Variants in SMARCC2 observed in about 807,000 individuals in gnomAD.
SMARCC2 encodes SWI/SNF complex subunit SMARCC2.
Under a neutral mutation model 151.3 loss-of-function variants are expected in SMARCC2, and 15 were observed. The observed-to-expected ratio is 0.10, with a 90% CI of 0.07 to 0.15. The LOEUF is 0.15. Ranked by LOEUF, SMARCC2 falls within the 10% of genes least tolerant of loss-of-function variation. The probability of loss-of-function intolerance (pLI) is 1.00; values close to 1 mark genes in which losing one functional copy is unlikely to be tolerated. For synonymous variants in SMARCC2, 590 were observed against 609.5 expected, an observed-to-expected ratio of 0.97 and a Z score of 0.47; for missense variants, 1,031 against 1,599.7, an observed-to-expected ratio of 0.64 and a Z score of 6.06.
At position 56,171,240 on chromosome 12, in the gene SMARCC2, G is replaced by C; in HGVS notation, c.2347+31C>G. The C allele has an allele frequency of 6.2e-7, 1 of 1,610,516 alleles. No homozygotes were observed. The highest frequency in any genetic ancestry group is 8.5e-7 in the Non-Finnish European group (1 of 1,177,058). ...CAGGTAGCTCTGGATCTTGTGAAAG[G>C]CAAGAAATCTGGGAACCTGCCTGGC... On this transcript the variant is annotated intron_variant, in intron 22 of 28. Coordinates refer to ENST00000550164, the MANE Select transcript of SMARCC2 (RefSeq NM_001330288.2). The surrounding 1 kb of genome is among the most constrained non-coding windows in gnomAD (Gnocchi z 4.2).
Position 56,164,695 on chromosome 12 carries a change from G to A in SMARCC2, c.3269C>T (p.Ser1090Leu), listed in dbSNP as rs1286924558. Residue 1090 changes from serine to leucine, a missense_variant, in exon 28 of 29, where the codon TCA becomes TTA. By Grantham distance (145) the Ser-to-Leu change is moderately radical (BLOSUM62 -2). Transcript: ENST00000550164. ...GCCTGGCACTGCCCCTGGCATCATT[G>A]AGGGAGGAGTTTGTTGGTTGGGGAA... ...SPFPNQQTPP[S>L]MMPGAVPGSG... 2 of 1,611,636 alleles carry A rather than the reference G, an allele frequency of 1.2e-6. No homozygotes were observed. Among genetic ancestry groups the A allele is most frequent in the East Asian group, 2.2e-5 (1 of 44,832 alleles).
chr12:56,181,320 T>C, intron 10 of SMARCC2, 162 bp downstream of exon 10: 1 of 646,694 alleles, frequency 1.5e-6, no homozygotes, highest in East Asian at 2.7e-5. Flanking sequence ...AACTAACAAC[T>C]GAGCAGCTAA....
At chr12:56,184,313 C>T in intron 5 of SMARCC2, 69 bp from the exon 6 acceptor site, 2 of 1,133,694 alleles carry the variant, frequency 1.8e-6, no homozygotes, top group Non-Finnish European at 2.6e-6. Flanking sequence ...AGCCACAGAG[C>T]TGCCTTCCTA....
rs747427001 is a variant in SMARCC2 at position 56,172,719 on chromosome 12, A to G, written c.1744-15T>C. 16 of 1,613,778 alleles carry G rather than the reference A, an allele frequency of 9.9e-6. No homozygotes were observed. In the South Asian group the frequency reaches 1.8e-4, roughly 18 times the overall value. On this transcript the variant is annotated splice_polypyrimidine_tract_variant and intron_variant, in intron 18 of 28. Transcript: ENST00000550164. ...GCAGAGGTCTGCTATTTGTGGAGGGAAAGAAACAGGTGAGTACAAGTGACC... is the reference window on the plus strand; with the variant it reads ...GCAGAGGTCTGCTATTTGTGGAGGGGAAGAAACAGGTGAGTACAAGTGACC...
chr12:56,181,026 G>A lies in SMARCC2; in HGVS notation c.1032C>T (p.Asp344=), dbSNP rs371558830. Residue 344 remains aspartate, a synonymous_variant, in exon 11 of 29, where the codon GAC becomes GAT. Transcript: ENST00000550164. ...CTACATTGGGGACTGGTGAGGGCTC[G>A]TCCATGTCCTTTGTCAGGTCTTCTT... is the stretch of plus-strand genomic sequence containing the variant. ...EEQEDLTKDM[D]EPSPVPNVEE... The A allele has an allele frequency of 2.9e-5, 47 of 1,613,860 alleles. No individual in the cohort carries two copies. Among genetic ancestry groups the A allele is most frequent in the Middle Eastern group, 1.6e-4 (1 of 6,084 alleles).
chr12:56,170,119 G>A lies in SMARCC2; in HGVS notation c.2412+25C>T, dbSNP rs564006279. 8.7e-6 allele frequency: 14 copies of A among 1,601,848 alleles called. No homozygotes were observed. In the South Asian group the frequency reaches 8.8e-5, roughly 10 times the overall value. On this transcript the variant is annotated intron_variant, in intron 23 of 28. Transcript: ENST00000550164. ...CACCACAGTGCTGCACGCAGCCCCT[G>A]CAGCTTCCAGAAATCCCTCTATACC...
chr12:56,168,312 A>G, intron 25 of SMARCC2, 118 bp from the exon 26 acceptor site: 1 of 1,144,622 alleles, frequency 8.7e-7, no homozygotes, highest in East Asian at 2.4e-5. Context: ...GTCACAACCC[A>G]TGGTGAAAGG....
Position 56,171,292 on chromosome 12 carries a change from A to G in SMARCC2, c.2326T>C (p.Ser776Pro). ...TTACCAATCCGCTCAGGCTCATCAG[A>G]GGTGGTTCCTGCAATGCCACTGCTT... ...LESSGIAGTT[S>P]DEPERIEESG... The change falls in exon 22 of 29, where the codon TCT (serine) becomes CCT (proline). Residue 776 changes from serine (S) to proline (P), a missense_variant. Transcript: ENST00000550164. This position sits in a 1 kb window ranked among gnomAD's most constrained non-coding sequence, Gnocchi z 4.2. 6.2e-7 allele frequency: 1 copy of G among 1,614,138 alleles called. No homozygotes were observed.
At chr12:56,170,630 T>C (rs991264951) in intron 22 of SMARCC2, among the ~76,000 whole-genome samples, 3 of 151,862 alleles carry the variant, frequency 2.0e-5, no homozygotes, top group South Asian at 2.1e-4. Flanking sequence ...GATTTTGCCA[T>C]GTTGCCCAGA....
At chr12:56,180,762 T>C (rs910613859) in intron 11 of SMARCC2, among the ~76,000 whole-genome samples, 1 of 152,172 alleles carries the variant, frequency 6.6e-6, no homozygotes, top group Non-Finnish European at 1.5e-5. Flanking sequence ...AGACAACTAC[T>C]ATCAGGCACA....
chr12:56,172,084 A>G (rs1874057226), intron 20 of SMARCC2, 147 bp from the exon 21 acceptor site: 2 of 668,966 alleles, frequency 3.0e-6, no homozygotes, highest in Admixed American at 6.5e-5. Context: ...GGGATCTTGA[A>G]GTAGCACTAA....
chr12:56,185,812 T>G (rs1877138721), intron 3 of SMARCC2: 1 of 263,062 alleles, frequency 3.8e-6, no homozygotes, highest in Non-Finnish European at 7.2e-6. Flanking sequence ...GGAGGCAAGC[T>G]TGCTCACAGC....
chr12:56,183,338 T>C (rs1876618910), intron 7 of SMARCC2: 1 of 151,768 alleles, frequency 6.6e-6, no homozygotes, highest in African/African-American at 2.4e-5. Context: ...TTTTTTTTTT[T>C]TGTATTTTTA....
In SMARCC2 at chr12:56,181,806, G is replaced by A. The variant is rs756065118; in HGVS notation, c.738C>T (p.Asp246=). The A allele has an allele frequency of 2.5e-6, 4 of 1,614,096 alleles. No individual in the cohort carries two copies. Among genetic ancestry groups the A allele is most frequent in the African/African-American group, 1.3e-5 (1 of 75,032 alleles). Reference sequence around the variant, plus strand: ...CCTCATTCATCCATTCATTGAAGGTGTCGGTGTCCAGGATCCACTTTGCAT... The same window carrying A: ...CCTCATTCATCCATTCATTGAAGGTATCGGTGTCCAGGATCCACTTTGCAT... ...KVHAKWILDT[D]TFNEWMNEED... The change falls in exon 9 of 29, where the codon GAC becomes GAT. Residue 246 remains aspartate (D), a synonymous_variant. Transcript: ENST00000550164.
intron 8 of SMARCC2, 48 bp from the exon 9 acceptor site, chr12:56,181,883 GCT>G (rs765812116): frequency 1.9e-6 from 3 of 1,612,992 alleles, no homozygotes; most frequent in Non-Finnish European, 2.5e-6. Context: ...GGAAGCCACA[GCT>G]CTGTCTGGGG....
At position 56,162,644 on chromosome 12, in the gene SMARCC2, G is replaced by C. The variant is rs1872040148; in HGVS notation, c.*1045C>G. 4 of 299,428 alleles carry C rather than the reference G, an allele frequency of 1.3e-5. No homozygotes were observed. The highest frequency in any genetic ancestry group is 2.5e-5 in the Non-Finnish European group (4 of 160,724). The allele number at this position is 299,428 out of a possible 1,614,324, so 18.5% of individuals were successfully genotyped here. ...CAAGGGTTGGTCCAACCCAAGGTTGGGCACCCTCTTCCACTGCTCCCAAAT... is the reference window on the plus strand; with the variant it reads ...CAAGGGTTGGTCCAACCCAAGGTTGCGCACCCTCTTCCACTGCTCCCAAAT... On this transcript the variant is annotated 3_prime_UTR_variant, in exon 29 of 29. Transcript: ENST00000550164.
rs141991330 is a variant in SMARCC2, at chr12:56,187,842, GC to G, written c.112-537del. 9.2e-5 allele frequency among the ~76,000 whole-genome samples: 14 copies of G among 152,190 alleles called. No individual in the cohort carries two copies. The East Asian group carries it at 2.7e-3, about 29-fold the overall frequency. On this transcript the variant is annotated intron_variant, in intron 1 of 28. Transcript: ENST00000550164. The stretch of plus-strand genomic sequence containing the variant: ...AGACTGGGTATAAATGTCTTCATAG[GC>G]CCTCCTAGACAGGAAGGGCCATCCA...
Position 56,189,385 on chromosome 12 carries a change from T to C in SMARCC2, c.77A>G (p.Asn26Ser). ...EAADTVTQFD[N>S]VRLWLGKNYK... is the part of the protein sequence containing the mutation. ...GTTCTTGCCGAGCCACAGCCGCACG[T>C]TGTCGAACTGGGTCACGGTGTCCGC... Residue 26 changes from asparagine to serine, a missense_variant, in exon 1 of 29, where the codon AAC becomes AGC. Physicochemically the swap from Asn to Ser is conservative, Grantham distance 46. This residue lies in a region of SMARCC2 where 50 missense variants were observed against 52.4 expected (regional missense o/e 0.95). Coordinates refer to ENST00000550164, the MANE Select transcript of SMARCC2 (RefSeq NM_001330288.2). The C allele has an allele frequency of 6.5e-7, 1 of 1,543,366 alleles. No homozygotes were observed.
At chr12:56,180,344 C>T (rs1377203611) in intron 11 of SMARCC2, among the ~76,000 whole-genome samples, 2 of 151,046 alleles carry the variant, frequency 1.3e-5, no homozygotes, top group Non-Finnish European at 2.9e-5. Context: ...CTCCTGACCT[C>T]GTGATCCGCC....
Sources: allele counts gnomAD v4.1 joint callset (sites outside exome capture counted in the v4.1 genomes callset), GRCh38; gene constraint gnomAD v4.1.1; regional missense constraint gnomAD v4.1.1; non-coding constraint Gnocchi (gnomAD v3.1); transcripts MANE v1.5; gene names NCBI Gene and HGNC (gene_info 2026-07-23, HGNC 2026-07-21).